The following NFILZ variants were observed in gnomAD, a reference collection of about 807,000 sequenced individuals.
NFILZ encodes the protein NFIL3 like basic leucine zipper.
chr19:8,631,851 T>C (rs972656308), intron 1 of NFILZ, among the ~76,000 whole-genome samples: 3 of 151,810 alleles, frequency 2.0e-5, no homozygotes, highest in Non-Finnish European at 4.4e-5. Context: ...TGTGTGTGTG[T>C]GTGTGTGTGT....
intron 3 of NFILZ, among the ~76,000 whole-genome samples, chr19:8,669,996 G>A (rs999938577): frequency 1.3e-5 from 2 of 152,202 alleles, no homozygotes; most frequent in African/African-American, 2.4e-5. Flanking sequence ...CTCCACGGAT[G>A]TTAAGGAAAG....
chr19:8,666,911 A>AC, intron 3 of NFILZ, among the ~76,000 whole-genome samples: 1 of 132,282 alleles, frequency 7.6e-6, no homozygotes, highest in African/African-American at 3.1e-5. Flanking sequence ...ATTTTTGAAA[A>AC]CTTTTTTTTT....
chr19:8,657,172 G>T, intron 3 of NFILZ, among the ~76,000 whole-genome samples: 1 of 151,616 alleles, frequency 6.6e-6, no homozygotes, highest in South Asian at 2.1e-4. Context: ...TTGAGACGGA[G>T]TCTCACTCTG....
intron 2 of NFILZ, among the ~76,000 whole-genome samples, chr19:8,633,908 TTCCTTCCTTCC>T (rs2042882503): frequency 1.4e-5 from 2 of 146,622 alleles, no homozygotes; most frequent in African/African-American, 5.0e-5. Context: ...CCTTCCTTCC[TTCCTTCCTTCC>T]TTCCTTCCTT....
At chr19:8,651,441 C>A (rs182991472) in intron 3 of NFILZ, among the ~76,000 whole-genome samples, 1 of 151,854 alleles carries the variant, frequency 6.6e-6, no homozygotes, top group South Asian at 2.1e-4. Flanking sequence ...GGATTACCGG[C>A]GTGAGCCACT....
rs2043077610 is a variant in NFILZ, at chr19:8,669,515, G to A, written c.-163-5036G>A. Among the ~76,000 whole-genome samples the A allele has an allele frequency of 2.6e-5, 4 of 152,142 alleles. No homozygotes were observed. The South Asian group carries it at 8.3e-4, about 32-fold the overall frequency. On this transcript the variant is annotated intron_variant, in intron 3 of 5. Coordinates refer to ENST00000691075, the MANE Select transcript of NFILZ (RefSeq NM_001378600.1). ...TATTTCATTGCATCCTGACAGCATG[G>A]ATACTAATCTCAGCCTTGCCGTATT...
intron 3 of NFILZ, among the ~76,000 whole-genome samples, chr19:8,646,981 C>T (rs545336113): frequency 3.3e-5 from 5 of 152,244 alleles, no homozygotes; most frequent in African/African-American, 7.2e-5. Flanking sequence ...TGACCTTGGG[C>T]GGATACCTTG....
intron 3 of NFILZ, among the ~76,000 whole-genome samples, chr19:8,661,101 TCCTTCCTTCCTTCCTTCCTTCCCTC>T (rs1222648729): frequency 7.7e-5 from 2 of 26,096 alleles, no homozygotes; most frequent in African/African-American, 3.0e-4. Context: ...CCTCCCTTCC[TCCTTCCTTCCTTCCTTCCTTCCCTC>T]CCTTCCTTCT....
chr19:8,653,048 CT>C (rs2042976165), intron 3 of NFILZ, among the ~76,000 whole-genome samples: 26 of 86,444 alleles, frequency 3.0e-4, no homozygotes, highest in East Asian at 1.1e-3. Context: ...TTCTCTCTCT[CT>C]CTCTCTCTCT....
At chr19:8,660,587 CCT>C (rs2043025470) in intron 3 of NFILZ, among the ~76,000 whole-genome samples, 7,323 of 136,526 alleles carry the variant, frequency 0.054, 350 homozygotes, top group East Asian at 0.28. Context: ...CTCCCTCCTT[CCT>C]TCCTTCCTTC....
At chr19:8,647,795 G>GCGCGCGCACACACA (rs1189605746) in intron 3 of NFILZ, among the ~76,000 whole-genome samples, 2 of 76,332 alleles carry the variant, frequency 2.6e-5, no homozygotes, top group Admixed American at 2.9e-4. Context: ...GCGCGCGCGC[G>GCGCGCGCACACACA]CACACACACA....
intron 3 of NFILZ, among the ~76,000 whole-genome samples, chr19:8,663,158 T>G (rs2043039820): frequency 6.6e-6 from 1 of 151,690 alleles, no homozygotes; most frequent in South Asian, 2.1e-4. Context: ...GGGGTCTTGC[T>G]ATGTTGCTCA....
At chr19:8,656,791 G>A (rs1465734377) in intron 3 of NFILZ, among the ~76,000 whole-genome samples, 4 of 152,196 alleles carry the variant, frequency 2.6e-5, no homozygotes, top group Non-Finnish European at 4.4e-5. Flanking sequence ...AACTGAAGGG[G>A]GGTCTGGAGG....
chr19:8,663,756 G>GTATGTGTGTGTGTATGTGTGTA (rs2043047962), intron 3 of NFILZ, among the ~76,000 whole-genome samples: 22 of 148,406 alleles, frequency 1.5e-4, no homozygotes, highest in African/African-American at 5.1e-4. Context: ...GTGTGTGTGT[G>GTATGTGTGTGTGTATGTGTGTA]TGTGTGTGTG....
intron 3 of NFILZ, among the ~76,000 whole-genome samples, chr19:8,652,404 G>T (rs2042968496): frequency 6.6e-6 from 1 of 152,170 alleles, no homozygotes; most frequent in African/African-American, 2.4e-5. Flanking sequence ...CTCCTGGCTG[G>T]GAGATTTTAT....
In NFILZ at chr19:8,676,979, G is replaced by A. The variant is rs1040523978; in HGVS notation, c.214G>A (p.Gly72Ser). ...ACGTCTCAATGATGCAGCCATTGAG[G>A]GCAGGCTGGCTGCACTGATGGAGGA... ...KRRLNDAAIE[G>S]RLAALMEENA... is the part of the protein sequence containing the mutation. Residue 72 changes from glycine to serine, a missense_variant, in exon 6 of 6, where the codon GGC becomes AGC. By Grantham distance (56) the Gly-to-Ser change is moderately conservative. Coordinates refer to ENST00000691075, the MANE Select transcript of NFILZ (RefSeq NM_001378600.1). The A allele has an allele frequency of 3.9e-5, 6 of 152,666 alleles. No individual in the cohort carries two copies. The highest frequency in any genetic ancestry group is 4.1e-4 in the South Asian group (2 of 4,834). The allele number at this position is 152,666 out of a possible 1,614,324, so 9.5% of individuals were successfully genotyped here.
chr19:8,634,052 C>T (rs538694695), intron 2 of NFILZ, among the ~76,000 whole-genome samples: 29 of 151,256 alleles, frequency 1.9e-4, no homozygotes, highest in African/African-American at 5.8e-4. Flanking sequence ...GGCTGCAGTA[C>T]GGTGGCGCCA....
At chr19:8,649,476 A>G (rs1472090053) in intron 3 of NFILZ, among the ~76,000 whole-genome samples, 1 of 152,070 alleles carries the variant, frequency 6.6e-6, no homozygotes, top group Non-Finnish European at 1.5e-5. Flanking sequence ...CATGTTGGCC[A>G]GGCTGGTCTT....
intron 3 of NFILZ, among the ~76,000 whole-genome samples, chr19:8,671,158 G>A (rs191864071): frequency 5.3e-5 from 8 of 152,214 alleles, no homozygotes; most frequent in South Asian, 2.1e-4. Flanking sequence ...AGGCAGCTGC[G>A]GAGGCTGCTT....
Sources: gnomAD v4.1 joint callset for allele counts (sites outside exome capture counted in the v4.1 genomes callset) on GRCh38, gnomAD v4.1.1 for gene constraint, MANE v1.5 for transcripts, NCBI Gene and HGNC (gene_info 2026-07-23, HGNC 2026-07-21) for gene names.